The following CELF2 variants were observed in gnomAD, a reference collection of about 807,000 sequenced individuals.
The protein encoded by CELF2 is CUGBP Elav-like family member 2.
Under a neutral mutation model 62.6 loss-of-function variants are expected in CELF2, and 8 were observed. The observed-to-expected ratio is 0.13, with a 90% CI of 0.07 to 0.23. CELF2 has a LOEUF of 0.23. Ranked by LOEUF, CELF2 falls within the 10% of genes least tolerant of loss-of-function variation. The probability of loss-of-function intolerance (pLI) is 1.00; values close to 1 mark genes in which losing one functional copy is unlikely to be tolerated. For synonymous variants in CELF2, 258 were observed against 250.0 expected, an observed-to-expected ratio of 1.03 and a Z score of -0.30; for missense variants, 333 against 671.0, an observed-to-expected ratio of 0.50 and a Z score of 5.56.
chr10:10,934,041 C>A lies in CELF2; in HGVS notation c.89+14042C>A, dbSNP rs762718667. On this transcript the variant is annotated intron_variant, in intron 2 of 13. Coordinates refer to the CELF2 transcript ENST00000636488. This position sits in a 1 kb window ranked among gnomAD's most constrained non-coding sequence, Gnocchi z 4.4. ...CATACTGATTTCCGTAATGGCTATG[C>A]TAATGTACATTCCCACAAACAGTAT... Among the ~76,000 whole-genome samples the A allele has an allele frequency of 6.6e-6, 1 of 152,156 alleles. No homozygotes were observed. Among genetic ancestry groups the A allele is most frequent in the Non-Finnish European group, 1.5e-5 (1 of 68,028 alleles).
At chr10:11,101,532 G>A (rs1337730950) in intron 1 of CELF2, among the ~76,000 whole-genome samples, 2 of 152,200 alleles carry the variant, frequency 1.3e-5, no homozygotes, top group Non-Finnish European at 2.9e-5. Flanking sequence ...GGGTTTCAAG[G>A]TCAGAGAAAT....
the CELF2 span, among the ~76,000 whole-genome samples, chr10:10,695,439 G>GT: frequency 6.7e-6 from 1 of 150,226 alleles, no homozygotes; most frequent in Non-Finnish European, 1.5e-5. Context: ...TGCCCTTAAC[G>GT]TTTTTTCCTT....
Position 11,246,481 on chromosome 10 carries a change from C to G in CELF2, c.355-2672C>G, listed in dbSNP as rs1479004456. Reference sequence around the variant, plus strand: ...TATCTACTGTTACCCTCCTCCTTTCCCCTCTACTTCCCATGACCAGTTGTT... The same window carrying G: ...TATCTACTGTTACCCTCCTCCTTTCGCCTCTACTTCCCATGACCAGTTGTT... On this transcript the variant is annotated intron_variant, in intron 3 of 12. Coordinates refer to ENST00000633077, the MANE Select transcript of CELF2 (RefSeq NM_001326342.2). The surrounding 1 kb of genome is among the most constrained non-coding windows in gnomAD (Gnocchi z 4.6). Among the ~76,000 whole-genome samples, 1 of 152,144 alleles carries G rather than the reference C, an allele frequency of 6.6e-6. No homozygotes were observed. Among genetic ancestry groups the G allele is most frequent in the African/African-American group, 2.4e-5 (1 of 41,410 alleles).
the CELF2 span, among the ~76,000 whole-genome samples, chr10:10,781,355 C>A: frequency 6.6e-6 from 1 of 152,170 alleles, no homozygotes; most frequent in Non-Finnish European, 1.5e-5. Context: ...TGTTCTCATG[C>A]TGCAAATAAA....
chr10:10,891,071 C>G (rs116562155), intron 1 of CELF2, among the ~76,000 whole-genome samples: 2 of 152,202 alleles, frequency 1.3e-5, no homozygotes, highest in Admixed American at 6.5e-5. Flanking sequence ...AGTAGGGAAG[C>G]TGAATATTCA....
the CELF2 span, among the ~76,000 whole-genome samples, chr10:10,482,849 G>C: frequency 6.6e-6 from 1 of 152,092 alleles, no homozygotes; most frequent in African/African-American, 2.4e-5. Flanking sequence ...CCAGTGCCAG[G>C]TACTGGATGA....
chr10:10,857,648 A>AATAT (rs1564727117), intron 1 of CELF2, among the ~76,000 whole-genome samples: 1 of 38,812 alleles, frequency 2.6e-5, no homozygotes, highest in African/African-American at 1.0e-4. Context: ...ACATATATAT[A>AATAT]GTATATATAT....
At chr10:11,107,517 T>A (rs181842600) in intron 1 of CELF2, among the ~76,000 whole-genome samples, 8 of 152,184 alleles carry the variant, frequency 5.3e-5, no homozygotes, top group African/African-American at 1.9e-4. Flanking sequence ...TTAGTTGTAG[T>A]TTGAATTCAC....
upstream of CELF2, chr10:11,017,851 G>T (rs2057502401): frequency 2.9e-6 from 2 of 684,604 alleles, no homozygotes; most frequent in African/African-American, 3.9e-5. This position sits in a 1 kb window ranked among gnomAD's most constrained non-coding sequence, Gnocchi z 5.5. Context: ...GTTAAGCGGC[G>T]GCGGGCGCCC....
chr10:11,074,848 C>T (rs948439647), intron 1 of CELF2: 1 of 152,166 alleles, frequency 6.6e-6, no homozygotes, highest in African/African-American at 2.4e-5. Context: ...TCTTGCCCAG[C>T]CATAGGAATT....
chr10:11,022,117 C>T lies in CELF2; in HGVS notation c.74+3954C>T, dbSNP rs74705582. ...ATACGGAGATAACTGGCATTTATCA[C>T]CTGATACTCTGATGGTCATGAAAGG... On this transcript the variant is annotated intron_variant, in intron 1 of 12. Coordinates refer to ENST00000633077, the MANE Select transcript of CELF2 (RefSeq NM_001326342.2). Among the ~76,000 whole-genome samples the T allele has an allele frequency of 4.8e-3, 736 of 152,234 alleles. 46 individuals carry two copies. The East Asian group carries it at 0.12, about 25-fold the overall frequency.
At chr10:10,670,950 T>C in the CELF2 span, among the ~76,000 whole-genome samples, 1 of 152,100 alleles carries the variant, frequency 6.6e-6, no homozygotes, top group Non-Finnish European at 1.5e-5. Context: ...GGTGGATCAC[T>C]TGAGCCCAGA....
In CELF2 at chr10:11,271,826, A is replaced by G. The variant is rs141789183; in HGVS notation, c.777+1002A>G. On this transcript the variant is annotated intron_variant, in intron 7 of 12. Coordinates refer to ENST00000633077, the MANE Select transcript of CELF2 (RefSeq NM_001326342.2). ...TCACCCATTGGCTTTACTTTGTAGC[A>G]GAAGTTGTGCTTTTGTGTCAAATGA... Among the ~76,000 whole-genome samples, 3 of 152,220 alleles carry G rather than the reference A, an allele frequency of 2.0e-5. No homozygotes were observed. In the East Asian group the frequency reaches 5.8e-4, roughly 29 times the overall value.
In CELF2 at chr10:11,334,282, A is replaced by T. The variant is rs1219356599; in HGVS notation, c.*5229A>T. 6.6e-6 allele frequency: 1 copy of T among 152,580 alleles called. No homozygotes were observed. The highest frequency in any genetic ancestry group is 1.9e-4 in the East Asian group (1 of 5,198). The allele number at this position is 152,580 out of a possible 1,614,324, so 9.5% of individuals were successfully genotyped here. On this transcript the variant is annotated 3_prime_UTR_variant, in exon 13 of 13. Coordinates refer to ENST00000633077, the MANE Select transcript of CELF2 (RefSeq NM_001326342.2). ...ATAACCGTGTAGTTGAAACAGTCAA[A>T]CTTATTTTTGTAATGTATGTTATTG...
At chr10:10,747,569 C>A in the CELF2 span, among the ~76,000 whole-genome samples, 2 of 152,122 alleles carry the variant, frequency 1.3e-5, no homozygotes, top group South Asian at 4.2e-4. Context: ...ATCAGGGATA[C>A]AGAGCTAAAA....
chr10:11,262,980 G>A (rs2138179026), intron 5 of CELF2, among the ~76,000 whole-genome samples: 1 of 61,750 alleles, frequency 1.6e-5, no homozygotes, highest in South Asian at 7.2e-4. Context: ...TGCAGAGCAA[G>A]AATTCATCTA....
rs950315257 is a variant in CELF2, at chr10:11,280,718, G to A, written c.841+5598G>A. On this transcript the variant is annotated intron_variant, in intron 8 of 12. Transcript: ENST00000633077. This position sits in a 1 kb window ranked among gnomAD's most constrained non-coding sequence, Gnocchi z 7.6. ...GATGGACAGAGGACACATGGGCCAC[G>A]GCCTCTGCCTGGCTGAGTGGACAGA... 2.6e-5 allele frequency among the ~76,000 whole-genome samples: 4 copies of A among 152,194 alleles called. No individual in the cohort carries two copies. The highest frequency in any genetic ancestry group is 9.7e-5 in the African/African-American group (4 of 41,444).
the CELF2 span, among the ~76,000 whole-genome samples, chr10:10,714,811 A>G: frequency 3.3e-5 from 5 of 152,162 alleles, no homozygotes; most frequent in Non-Finnish European, 7.3e-5. Context: ...GCTAAGTTCT[A>G]AGAATGTATC....
At position 11,316,577 on chromosome 10, in the gene CELF2, TC is replaced by T. The variant is rs1463579061; in HGVS notation, c.1096+2320del. Among the ~76,000 whole-genome samples, 1 of 152,198 alleles carries T rather than the reference TC, an allele frequency of 6.6e-6. No individual in the cohort carries two copies. Among genetic ancestry groups the T allele is most frequent in the Non-Finnish European group, 1.5e-5 (1 of 68,044 alleles). On this transcript the variant is annotated intron_variant, in intron 10 of 12. Coordinates refer to ENST00000633077, the MANE Select transcript of CELF2 (RefSeq NM_001326342.2). This position sits in a 1 kb window ranked among gnomAD's most constrained non-coding sequence, Gnocchi z 4.4. ...TGGTTACCTGGACAGAGTCAGCTTC[TC>T]AAATAGTTGACGGCAGCTTCCATAG...
Sources: allele counts gnomAD v4.1 joint callset (sites outside exome capture counted in the v4.1 genomes callset), GRCh38; gene constraint gnomAD v4.1.1; non-coding constraint Gnocchi (gnomAD v3.1); transcripts MANE v1.5; gene names NCBI Gene and HGNC (gene_info 2026-07-23, HGNC 2026-07-21).